BMPR1B: variants seen among roughly 807,000 people sequenced by gnomAD.
The protein encoded by BMPR1B is bone morphogenetic protein receptor type 1B.
In BMPR1B, 12 loss-of-function variants were observed where a neutral mutation model predicts 59.1. The ratio of observed to expected loss-of-function variants is 0.20; its 90% confidence interval spans 0.13 to 0.33. BMPR1B has a LOEUF of 0.33. BMPR1B is among the 10% of genes least tolerant of loss of function. BMPR1B has a pLI of 1.00. For synonymous variants in BMPR1B, 237 were observed against 207.3 expected (o/e 1.14, Z -1.23); for missense variants, 550 against 610.9 (o/e 0.90, Z 1.05).
intron 3 of BMPR1B, among the ~76,000 whole-genome samples, chr4:95,003,801 CTTTTT>C (rs5860385): frequency 2.4e-5 from 2 of 84,560 alleles, no homozygotes; most frequent in Non-Finnish European, 4.1e-5. Context: ...CAAAGTCCAT[CTTTTT>C]TTTTTTTTTT....
chr4:95,036,107 G>C (rs908822468), intron 3 of BMPR1B, among the ~76,000 whole-genome samples: 1 of 151,980 alleles, frequency 6.6e-6, no homozygotes, highest in African/African-American at 2.4e-5. Context: ...GTATAGTAGT[G>C]CTACTAATTT....
At chr4:94,910,681 G>A (rs1175528496) in intron 2 of BMPR1B, among the ~76,000 whole-genome samples, 1 of 152,062 alleles carries the variant, frequency 6.6e-6, no homozygotes, top group Non-Finnish European at 1.5e-5. Flanking sequence ...GCCCAGGCAG[G>A]AGAATCACTT....
Position 95,157,317 on chromosome 4 carries a change from C to A in BMPR1B, c.*2644C>A, listed in dbSNP as rs1735493400. ...TGCATAGATTTTTCTCTGTATCTTA[C>A]CAAAATCCACTTTACTTAGATAACA... is the stretch of plus-strand genomic sequence containing the variant. On this transcript the variant is annotated 3_prime_UTR_variant, in exon 13 of 13. Coordinates refer to ENST00000515059, the MANE Select transcript of BMPR1B (RefSeq NM_001203.3). The A allele has an allele frequency of 6.6e-6, 1 of 152,032 alleles. No individual in the cohort carries two copies. The highest frequency in any genetic ancestry group is 1.5e-5 in the Non-Finnish European group (1 of 67,958). 9.4% of individuals were successfully genotyped at this position (152,032 alleles called of 1,614,324 possible).
chr4:95,046,241 A>G lies in BMPR1B; in HGVS notation c.-18+50107A>G, dbSNP rs552978770. 2.5e-3 allele frequency among the ~76,000 whole-genome samples: 388 copies of G among 152,252 alleles called. 1 individual carries two copies. Among genetic ancestry groups the G allele is most frequent in the African/African-American group, 8.9e-3 (368 of 41,544 alleles). ...ATTGAATTTTTAAAATCTTGACTTA[A>G]GAGATACTTTGTATCCTTGTTTTAA... On this transcript the variant is annotated intron_variant, in intron 3 of 12. Coordinates refer to ENST00000515059, the MANE Select transcript of BMPR1B (RefSeq NM_001203.3).
intron 2 of BMPR1B, among the ~76,000 whole-genome samples, chr4:94,896,249 TAA>T (rs1349103803): frequency 7.2e-5 from 11 of 152,046 alleles, no homozygotes; most frequent in Non-Finnish European, 1.3e-4. Flanking sequence ...TAGTCATATA[TAA>T]GTCTGTGCAT....
At chr4:94,762,885 C>A in intron 1 of BMPR1B, among the ~76,000 whole-genome samples, 1 of 148,400 alleles carries the variant, frequency 6.7e-6, no homozygotes. Context: ...GGGCTGGGGG[C>A]TGGGGGTGTG....
At chr4:94,862,944 CAAAAAA>C (rs768809079) in intron 1 of BMPR1B, among the ~76,000 whole-genome samples, 1 of 47,232 alleles carries the variant, frequency 2.1e-5, no homozygotes, top group African/African-American at 8.4e-5. Context: ...GACTCCGTCT[CAAAAAA>C]AAAAAAAAAA....
chr4:94,973,364 T>A (rs1310035003), intron 2 of BMPR1B, among the ~76,000 whole-genome samples: 2 of 152,116 alleles, frequency 1.3e-5, no homozygotes, highest in Admixed American at 6.6e-5. Flanking sequence ...AATTAAAGGA[T>A]GGTAACTGTG....
chr4:94,804,618 C>A, intron 1 of BMPR1B, among the ~76,000 whole-genome samples: 1 of 113,560 alleles, frequency 8.8e-6, no homozygotes, highest in Admixed American at 1.2e-4. Context: ...TTGCCAAGGA[C>A]CATTACCAGG....
intron 1 of BMPR1B, among the ~76,000 whole-genome samples, chr4:94,873,697 C>T (rs1046780316): frequency 6.6e-6 from 1 of 152,182 alleles, no homozygotes; most frequent in Non-Finnish European, 1.5e-5. Flanking sequence ...CGTGAGCTGC[C>T]GTGCCCGGCC....
intron 2 of BMPR1B, among the ~76,000 whole-genome samples, chr4:94,991,724 G>A (rs141104386): frequency 2.2e-4 from 33 of 152,256 alleles, no homozygotes; most frequent in Middle Eastern, 6.8e-3. Context: ...AGTGGGGCTA[G>A]GCTATATGGA....
intron 2 of BMPR1B, among the ~76,000 whole-genome samples, chr4:94,940,508 AT>A (rs371845857): frequency 2.6e-5 from 4 of 152,050 alleles, no homozygotes; most frequent in African/African-American, 9.7e-5. Context: ...AGTTCTTAAA[AT>A]TTTTTTTGTG....
chr4:94,805,871 T>A (rs1051044588), intron 1 of BMPR1B, among the ~76,000 whole-genome samples: 1 of 152,066 alleles, frequency 6.6e-6, no homozygotes, highest in Non-Finnish European at 1.5e-5. Flanking sequence ...AAGTTATATA[T>A]AGAATGAAGA....
chr4:94,850,933 T>C (rs76594522), intron 1 of BMPR1B, among the ~76,000 whole-genome samples: 2,652 of 152,352 alleles, frequency 0.017, 82 homozygotes, highest in African/African-American at 0.061. Context: ...CTTGTGTGGC[T>C]GTGGCTAGTG....
chr4:94,898,614 G>A (rs1199559656), intron 2 of BMPR1B, among the ~76,000 whole-genome samples: 1 of 152,024 alleles, frequency 6.6e-6, no homozygotes, highest in African/African-American at 2.4e-5. Context: ...AGGCCTCCCA[G>A]CAATGTGGAA....
chr4:94,848,353 G>A (rs1477811749), intron 1 of BMPR1B, among the ~76,000 whole-genome samples: 1 of 152,126 alleles, frequency 6.6e-6, no homozygotes, highest in Non-Finnish European at 1.5e-5. Flanking sequence ...TTATTTTAAG[G>A]AATTAATCAC....
intron 3 of BMPR1B, among the ~76,000 whole-genome samples, chr4:95,014,771 A>G (rs1361263373): frequency 6.6e-6 from 1 of 152,206 alleles, no homozygotes; most frequent in Non-Finnish European, 1.5e-5. Context: ...GGGTTAATTT[A>G]CTACCAAGGT....
chr4:95,003,760 G>A (rs556705849), intron 3 of BMPR1B, among the ~76,000 whole-genome samples: 1 of 144,278 alleles, frequency 6.9e-6, no homozygotes, highest in East Asian at 2.1e-4. Flanking sequence ...GCTAATCAGT[G>A]ATAAGGTCAT....
At chr4:94,976,792 A>G (rs916590160) in intron 2 of BMPR1B, among the ~76,000 whole-genome samples, 7 of 152,150 alleles carry the variant, frequency 4.6e-5, no homozygotes, top group Admixed American at 1.3e-4. Context: ...GTTATATTCC[A>G]TACTGACTCT....
Sources: allele counts gnomAD v4.1 joint callset (sites outside exome capture counted in the v4.1 genomes callset), GRCh38; gene constraint gnomAD v4.1.1; transcripts MANE v1.5; gene names NCBI Gene and HGNC (gene_info 2026-07-23, HGNC 2026-07-21).